The following SRBD1 variants were observed in gnomAD, a reference collection of about 807,000 sequenced individuals.
The protein encoded by SRBD1 is S1 RNA-binding domain-containing protein 1.
SRBD1 carries 88 observed loss-of-function variants against 115.3 expected under a neutral mutation model. The ratio of observed to expected loss-of-function variants is 0.76; its 90% CI spans 0.64 to 0.91. SRBD1 has a LOEUF of 0.91. Among genes scored for constraint, SRBD1 ranks in the 40% least tolerant of loss-of-function variants. SRBD1 has a pLI of 0.00. For synonymous variants in SRBD1, 509 were observed against 407.7 expected, an observed-to-expected ratio of 1.25 and a Z score of -2.99; for missense variants, 1,385 against 1,177.4, an observed-to-expected ratio of 1.18 and a Z score of -2.58.
intron 1 of SRBD1, among the ~76,000 whole-genome samples, chr2:45,610,792 A>G (rs1022091628): frequency 6.6e-6 from 1 of 152,054 alleles, no homozygotes. Flanking sequence ...GCCGGGTGTG[A>G]TGACGGGCGC....
chr2:45,489,982 G>C (rs1670244412), intron 14 of SRBD1, among the ~76,000 whole-genome samples: 1 of 152,166 alleles, frequency 6.6e-6, no homozygotes. Flanking sequence ...AAAAGGTAAA[G>C]TGAATTGTTT....
chr2:45,588,263 C>G (rs1673607995), intron 4 of SRBD1, among the ~76,000 whole-genome samples: 2 of 152,184 alleles, frequency 1.3e-5, no homozygotes, highest in Admixed American at 1.3e-4. Flanking sequence ...CAAAAGAAAG[C>G]AGCCTCTCTC....
intron 19 of SRBD1, among the ~76,000 whole-genome samples, chr2:45,402,067 T>C (rs1667306255): frequency 6.6e-6 from 1 of 152,118 alleles, no homozygotes; most frequent in African/African-American, 2.4e-5. Context: ...GAGGCCATTC[T>C]TCACTATCTG....
intron 7 of SRBD1, among the ~76,000 whole-genome samples, 198 bp downstream of exon 7, chr2:45,579,677 T>C (rs965051004): frequency 2.0e-5 from 3 of 152,014 alleles, no homozygotes; most frequent in Admixed American, 6.5e-5. Context: ...GGCAAAAGAC[T>C]AGAACAGGCA....
intron 11 of SRBD1, among the ~76,000 whole-genome samples, chr2:45,552,492 A>T (rs1299207945): frequency 1.3e-5 from 2 of 152,242 alleles, no homozygotes; most frequent in Non-Finnish European, 2.9e-5. Flanking sequence ...GAAGCTACTC[A>T]AATCAAAAAT....
intron 1 of SRBD1, among the ~76,000 whole-genome samples, chr2:45,605,919 A>G (rs1674256308): frequency 6.6e-6 from 1 of 151,176 alleles, no homozygotes; most frequent in Non-Finnish European, 1.5e-5. Context: ...AAAAAAAAAA[A>G]GAAAAAAAAA....
At chr2:45,602,704 G>C (rs1674137105) in intron 2 of SRBD1, among the ~76,000 whole-genome samples, 1 of 152,058 alleles carries the variant, frequency 6.6e-6, no homozygotes, top group Non-Finnish European at 1.5e-5. Flanking sequence ...CAAGAGCAGA[G>C]AAAAAGCAGC....
intron 4 of SRBD1, among the ~76,000 whole-genome samples, chr2:45,586,302 A>C (rs1356884081): frequency 6.6e-6 from 1 of 152,182 alleles, no homozygotes; most frequent in African/African-American, 2.4e-5. Context: ...TAGCAGAGTA[A>C]AGGTGAGCAA....
intron 16 of SRBD1, among the ~76,000 whole-genome samples, chr2:45,426,687 C>T (rs1668165219): frequency 6.6e-6 from 1 of 152,156 alleles, no homozygotes. Context: ...CTGCAGCCTC[C>T]ACTGGTGATA....
At chr2:45,603,864 A>T (rs985398710) in intron 2 of SRBD1, among the ~76,000 whole-genome samples, 1 of 151,854 alleles carries the variant, frequency 6.6e-6, no homozygotes, top group Non-Finnish European at 1.5e-5. Flanking sequence ...CTCCAACTCG[A>T]CCTTCCCCGC....
chr2:45,558,992 G>A (rs1360331077), intron 10 of SRBD1, among the ~76,000 whole-genome samples: 4 of 151,984 alleles, frequency 2.6e-5, no homozygotes, highest in South Asian at 2.1e-4. Context: ...GAGCCACCAC[G>A]CCCAGCCGCC....
At chr2:45,570,306 A>C (rs920785932) in intron 9 of SRBD1, among the ~76,000 whole-genome samples, 1 of 152,240 alleles carries the variant, frequency 6.6e-6, no homozygotes, top group South Asian at 2.1e-4. Context: ...GATTAAAACA[A>C]GAGTAGGGAG....
intron 15 of SRBD1, among the ~76,000 whole-genome samples, chr2:45,482,916 C>T (rs962344768): frequency 2.0e-5 from 3 of 151,984 alleles, no homozygotes; most frequent in African/African-American, 7.2e-5. Flanking sequence ...AATGTAAATG[C>T]TATGTAAATA....
intron 3 of SRBD1, among the ~76,000 whole-genome samples, chr2:45,601,402 T>C (rs746936765): frequency 1.3e-5 from 2 of 152,358 alleles, no homozygotes; most frequent in South Asian, 2.1e-4. Context: ...TATTTATCTC[T>C]CTTGTGAACA....
chr2:45,498,859 G>C (rs369302578), intron 14 of SRBD1, among the ~76,000 whole-genome samples: 10 of 152,026 alleles, frequency 6.6e-5, no homozygotes, highest in African/African-American at 2.4e-4. Context: ...ATATCCCATT[G>C]TGTATACATA....
intron 4 of SRBD1, among the ~76,000 whole-genome samples, chr2:45,587,133 AAAATTTTTTAAATATTTAATTATTTT>A (rs1368981062): frequency 7.6e-6 from 1 of 131,350 alleles, no homozygotes; most frequent in African/African-American, 3.4e-5. Flanking sequence ...TAAAATATTT[AAAATTTTTTAAATATTTAATTATTTT>A]AAATTATAAA....
intron 4 of SRBD1, among the ~76,000 whole-genome samples, chr2:45,596,784 T>C (rs982097335): frequency 2.6e-5 from 4 of 152,202 alleles, no homozygotes; most frequent in African/African-American, 4.8e-5. Flanking sequence ...TAAGGTATTA[T>C]GGTAAAAGAA....
chr2:45,576,918 T>G (rs1038042145), intron 7 of SRBD1, among the ~76,000 whole-genome samples: 1 of 152,218 alleles, frequency 6.6e-6, no homozygotes, highest in African/African-American at 2.4e-5. Flanking sequence ...TTTGAAACTT[T>G]ATGTAATTAA....
At chr2:45,560,129 A>G (rs1226849096) in intron 10 of SRBD1, among the ~76,000 whole-genome samples, 1 of 152,130 alleles carries the variant, frequency 6.6e-6, no homozygotes, top group Non-Finnish European at 1.5e-5. Context: ...TCCAAACCTG[A>G]CTGAAAATTA....
Sources: allele counts gnomAD v4.1 joint callset (sites outside exome capture counted in the v4.1 genomes callset), GRCh38; gene constraint gnomAD v4.1.1; transcripts MANE v1.5; gene names NCBI Gene and HGNC (gene_info 2026-07-23, HGNC 2026-07-21).